Variants in ITM2C observed in about 807,000 individuals in gnomAD.
ITM2C encodes the protein integral membrane protein 2C, also known as BRICHOS domain containing 2C.
A neutral mutation model predicts 30.0 loss-of-function variants in ITM2C; 20 were observed. The ratio of observed to expected loss-of-function variants is 0.67; its 90% confidence interval spans 0.47 to 0.97. The LOEUF is 0.97. Among genes scored for constraint, ITM2C ranks in the 50% least tolerant of loss-of-function variants. The pLI is 0.00. For missense variants in ITM2C, 366 were observed against 371.9 expected (o/e 0.98, Z 0.13); for synonymous variants, 167 against 156.4 (o/e 1.07, Z -0.51).
intron 1 of ITM2C, among the ~76,000 whole-genome samples, chr2:230,871,082 T>C (rs1051591460): frequency 6.6e-6 from 1 of 152,240 alleles, no homozygotes; most frequent in African/African-American, 2.4e-5. Context: ...AGGTTCTTTG[T>C]CTCGTTTAAT....
rs1041192751 is a variant in ITM2C, at chr2:230,877,472, G to A, written c.634G>A (p.Glu212Lys). The A allele has an allele frequency of 3.1e-6, 5 of 1,614,106 alleles. No homozygotes were observed. The change falls in exon 5 of 6, where the codon GAG becomes AAG. Residue 212 changes from glutamate (E) to lysine (K), a missense_variant. Glu to Lys is a moderately conservative substitution (Grantham distance 56, BLOSUM62 1). Coordinates refer to ENST00000326427, the MANE Select transcript of ITM2C (RefSeq NM_030926.6). This position sits in a 1 kb window ranked among gnomAD's most constrained non-coding sequence, Gnocchi z 4.8. ...MVVTEHVSDK[E>K]ALGSFIYHLC... ...GGTCACGGAGCATGTCAGTGACAAG[G>A]AGGCCCTGGGGTCCTTCATCTACCA... is the stretch of plus-strand genomic sequence containing the variant.
chr2:230,869,661 A>C (rs760789069), intron 1 of ITM2C, among the ~76,000 whole-genome samples: 16 of 152,102 alleles, frequency 1.1e-4, no homozygotes, highest in Non-Finnish European at 2.1e-4. Flanking sequence ...GCTTGCAGTT[A>C]ATTTGGACAT....
Position 230,878,470 on chromosome 2 carries a change from G to C in ITM2C, c.*371G>C, listed in dbSNP as rs756148006. 34 of 176,974 alleles carry C rather than the reference G, an allele frequency of 1.9e-4. No homozygotes were observed. In the Middle Eastern group the frequency reaches 7.2e-3, roughly 38 times the overall value. 11.0% of individuals were successfully genotyped at this position (176,974 alleles called of 1,614,324 possible). A position where few individuals can be genotyped will look rare whatever the true frequency, so the allele number is the denominator to read the frequency against. On this transcript the variant is annotated 3_prime_UTR_variant, in exon 6 of 6. Coordinates refer to ENST00000326427, the MANE Select transcript of ITM2C (RefSeq NM_030926.6). This position sits in a 1 kb window ranked among gnomAD's most constrained non-coding sequence, Gnocchi z 4.5. The stretch of plus-strand genomic sequence containing the variant: ...CCTGGGCAAGGGGATGGGGCTGTGG[G>C]GGCGGGGCGGCATGGGCTTCAGAAG...
Position 230,865,177 on chromosome 2 carries a change from G to T in ITM2C, c.120+32G>T, listed in dbSNP as rs1696995626. ...GGGTCTGGGGCTCAGGCGGTGGGGC[G>T]GGGGACCCAGGCTCACGACCCAGGC... is the stretch of plus-strand genomic sequence containing the variant. On this transcript the variant is annotated intron_variant, in intron 1 of 5. Coordinates refer to ENST00000326427, the MANE Select transcript of ITM2C (RefSeq NM_030926.6). This position sits in a 1 kb window ranked among gnomAD's most constrained non-coding sequence, Gnocchi z 6.8. 2.9e-6 allele frequency: 4 copies of T among 1,384,994 alleles called. No individual in the cohort carries two copies. The highest frequency in any genetic ancestry group is 1.6e-5 in the South Asian group (1 of 64,420). The allele number at this position is 1,384,994 out of a possible 1,614,324, so 85.8% of individuals were successfully genotyped here. A position where few individuals can be genotyped will look rare whatever the true frequency, so the allele number is the denominator to read the frequency against.
At chr2:230,869,712 T>C (rs1174581829) in intron 1 of ITM2C, among the ~76,000 whole-genome samples, 2 of 152,180 alleles carry the variant, frequency 1.3e-5, no homozygotes, top group Non-Finnish European at 2.9e-5. Context: ...CCCTTCCAGC[T>C]GTGGGGGTCT....
intron 1 of ITM2C, among the ~76,000 whole-genome samples, chr2:230,866,047 A>G (rs978305931): frequency 2.0e-5 from 3 of 151,564 alleles, no homozygotes; most frequent in Admixed American, 6.6e-5. Context: ...GCCGTGGAAA[A>G]CTGTCTGAGC....
chr2:230,870,240 T>C (rs1476113923), intron 1 of ITM2C, among the ~76,000 whole-genome samples: 1 of 152,160 alleles, frequency 6.6e-6, no homozygotes, highest in African/African-American at 2.4e-5. Flanking sequence ...TTGGTGTTGA[T>C]TGGGCACAGT....
intron 1 of ITM2C, 28 bp from the exon 2 acceptor site, chr2:230,873,389 C>G: frequency 6.6e-7 from 1 of 1,507,594 alleles, no homozygotes; most frequent in Non-Finnish European, 8.9e-7. Flanking sequence ...GGCCCTGGCC[C>G]CCACTGACCC....
chr2:230,877,005 T>C lies in ITM2C; in HGVS notation c.561+38T>C. On this transcript the variant is annotated intron_variant, in intron 4 of 5. Coordinates refer to ENST00000326427, the MANE Select transcript of ITM2C (RefSeq NM_030926.6). This position sits in a 1 kb window ranked among gnomAD's most constrained non-coding sequence, Gnocchi z 4.8. ...TTGGGGGGATGTCTGCAGCATCCTG[T>C]CCCTCCCTTGCCCCCTGTCTCATGG... 7.4e-7 allele frequency: 1 copy of C among 1,353,666 alleles called. No homozygotes were observed. The highest frequency in any genetic ancestry group is 1.1e-6 in the Non-Finnish European group (1 of 944,212). The allele number at this position is 1,353,666 out of a possible 1,614,324, so 83.9% of individuals were successfully genotyped here.
chr2:230,865,007 C>G lies in ITM2C; in HGVS notation c.-19C>G, dbSNP rs757150952. The G allele has an allele frequency of 2.7e-5, 39 of 1,459,260 alleles. No individual in the cohort carries two copies. In the Admixed American group the frequency reaches 8.8e-4, roughly 33 times the overall value. The allele number at this position is 1,459,260 out of a possible 1,614,324, so 90.4% of individuals were successfully genotyped here. On this transcript the variant is annotated 5_prime_UTR_variant, in exon 1 of 6. Coordinates refer to ENST00000326427, the MANE Select transcript of ITM2C (RefSeq NM_030926.6). The surrounding 1 kb of genome is among the most constrained non-coding windows in gnomAD (Gnocchi z 6.8). ...GCACCGGCAGAGGCTGCGGGGCGGA[C>G]GCGCGGGCCGGCGCAGCCATGGTGA...
chr2:230,873,189 A>T, intron 1 of ITM2C: 4 of 440,320 alleles, frequency 9.1e-6, no homozygotes, highest in Non-Finnish European at 1.6e-5. Context: ...TTCTCTTTCG[A>T]GGTGTGTCTC....
chr2:230,870,880 T>C (rs1015929765), intron 1 of ITM2C, among the ~76,000 whole-genome samples: 11 of 151,148 alleles, frequency 7.3e-5, no homozygotes, highest in East Asian at 1.9e-4. Flanking sequence ...TTTTTTTTTT[T>C]CCCTTTTCTG....
chr2:230,866,225 G>A (rs902477443), intron 1 of ITM2C, among the ~76,000 whole-genome samples: 1 of 152,084 alleles, frequency 6.6e-6, no homozygotes, highest in Admixed American at 6.5e-5. Context: ...TGTCCTCCCC[G>A]CCTCCCCACC....
At chr2:230,868,483 A>ACACACACT (rs373546815) in intron 1 of ITM2C, among the ~76,000 whole-genome samples, 1 of 151,184 alleles carries the variant, frequency 6.6e-6, no homozygotes. Flanking sequence ...ACACACACAC[A>ACACACACT]CTTATGCACA....
At position 230,878,151 on chromosome 2, in the gene ITM2C, C is replaced by A. The variant is rs1394619103; in HGVS notation, c.*52C>A. On this transcript the variant is annotated 3_prime_UTR_variant, in exon 6 of 6. Coordinates refer to ENST00000326427, the MANE Select transcript of ITM2C (RefSeq NM_030926.6). The surrounding 1 kb of genome is among the most constrained non-coding windows in gnomAD (Gnocchi z 4.5). ...CGTGTTCCTCTTTTCTTCTTTCCGG[C>A]TGCTCTCTGGCCCTCCTCCTTCCCC... 26 of 1,350,112 alleles carry A rather than the reference C, an allele frequency of 1.9e-5. No individual in the cohort carries two copies. The highest frequency in any genetic ancestry group is 2.5e-5 in the Non-Finnish European group (25 of 981,170). The allele number at this position is 1,350,112 out of a possible 1,614,324, so 83.6% of individuals were successfully genotyped here.
At position 230,877,392 on chromosome 2, in the gene ITM2C, T is replaced by C; in HGVS notation, c.562-8T>C. On this transcript the variant is annotated splice_polypyrimidine_tract_variant and splice_region_variant and intron_variant, in intron 4 of 5. Transcript: ENST00000326427. This position sits in a 1 kb window ranked among gnomAD's most constrained non-coding sequence, Gnocchi z 4.8. ...CCGACTCACTGTGGCGGCCACCTTG[T>C]TTTGCAGAGGGGGACCTACCTGCCG... 6.2e-7 allele frequency: 1 copy of C among 1,612,692 alleles called. No homozygotes were observed. The highest frequency in any genetic ancestry group is 8.5e-7 in the Non-Finnish European group (1 of 1,179,380).
At chr2:230,874,146 G>T (rs1574595982) in intron 2 of ITM2C, among the ~76,000 whole-genome samples, 1 of 152,324 alleles carries the variant, frequency 6.6e-6, no homozygotes, top group East Asian at 1.9e-4. Context: ...AAATTAAAAG[G>T]ATAAACCTAC....
chr2:230,875,797 G>T lies in ITM2C; in HGVS notation c.439G>T (p.Asp147Tyr). The change falls in exon 3 of 6, where the codon GAC becomes TAC. Residue 147 changes from aspartate to tyrosine, a missense_variant. By Grantham distance (160) the Asp-to-Tyr change is radical. Coordinates refer to ENST00000326427, the MANE Select transcript of ITM2C (RefSeq NM_030926.6). ...CGGTGACCCTGCAGACATCATCCATGACTTCCAGCGGGTGAGGCTGGCCAG... is the reference window on the plus strand; with the variant it reads ...CGGTGACCCTGCAGACATCATCCATTACTTCCAGCGGGTGAGGCTGGCCAG... ...GGGDPADIIHDFQRGLTAYHD... is the reference protein window; with the variant it reads ...GGGDPADIIHYFQRGLTAYHD... The T allele has an allele frequency of 7.9e-7, 1 of 1,268,478 alleles. No homozygotes were observed. The highest frequency in any genetic ancestry group is 1.2e-5 in the South Asian group (1 of 82,688). 78.6% of individuals were successfully genotyped at this position (1,268,478 alleles called of 1,614,324 possible). A position where few individuals can be genotyped will look rare whatever the true frequency, so the allele number is the denominator to read the frequency against.
At chr2:230,868,862 A>T (rs1697096258) in intron 1 of ITM2C, among the ~76,000 whole-genome samples, 3 of 152,210 alleles carry the variant, frequency 2.0e-5, no homozygotes, top group Admixed American at 2.0e-4. Context: ...TGCTCCATCC[A>T]GGTCCTTCCC....
Sources: allele counts gnomAD v4.1 joint callset (sites outside exome capture counted in the v4.1 genomes callset), GRCh38; gene constraint gnomAD v4.1.1; non-coding constraint Gnocchi (gnomAD v3.1); transcripts MANE v1.5; gene names NCBI Gene and HGNC (gene_info 2026-07-23, HGNC 2026-07-21).